GPR176: variants seen among roughly 807,000 people sequenced by gnomAD.
The protein encoded by GPR176 is G-protein coupled receptor 176.
In GPR176, 26 loss-of-function variants were observed where a neutral mutation model predicts 35.4. The observed-to-expected ratio is 0.74, with a 90% CI of 0.54 to 1.02. The LOEUF (loss-of-function observed/expected upper bound fraction) is 1.02. Among genes scored for constraint, GPR176 ranks in the 50% least tolerant of loss-of-function variants. GPR176 has a pLI of 0.00. For missense variants in GPR176, 597 were observed against 665.3 expected (o/e 0.90, Z 1.13); for synonymous variants, 278 against 271.3 (o/e 1.02, Z -0.24).
intron 1 of GPR176, among the ~76,000 whole-genome samples, chr15:39,885,596 A>C (rs1438500018): frequency 6.6e-6 from 1 of 152,030 alleles, no homozygotes; most frequent in East Asian, 1.9e-4. Flanking sequence ...CTAGGTATGA[A>C]GCAATCTTTA....
At chr15:39,905,158 C>G (rs901011254) in intron 1 of GPR176, among the ~76,000 whole-genome samples, 1 of 152,218 alleles carries the variant, frequency 6.6e-6, no homozygotes, top group Non-Finnish European at 1.5e-5. Context: ...ACCAGGCCTG[C>G]ACTAGGGATT....
chr15:39,833,746 A>T (rs1485372620), intron 1 of GPR176, among the ~76,000 whole-genome samples: 2 of 152,168 alleles, frequency 1.3e-5, no homozygotes, highest in Admixed American at 6.5e-5. Context: ...AAGTCCTAAT[A>T]TTTATTTAAT....
intron 1 of GPR176, among the ~76,000 whole-genome samples, chr15:39,853,113 C>T (rs28624789): frequency 0.38 from 57,404 of 151,978 alleles, 11,491 homozygotes; most frequent in East Asian, 0.7. Flanking sequence ...GATATTTGCA[C>T]ACTCATGGTC....
At chr15:39,812,827 C>T (rs370577850) in intron 1 of GPR176, among the ~76,000 whole-genome samples, 2 of 151,840 alleles carry the variant, frequency 1.3e-5, no homozygotes, top group African/African-American at 4.8e-5. Flanking sequence ...CTGCAACCTC[C>T]GCTCCCCGCA....
chr15:39,811,962 T>G (rs183351010), intron 1 of GPR176, among the ~76,000 whole-genome samples: 1 of 152,322 alleles, frequency 6.6e-6, no homozygotes, highest in African/African-American at 2.4e-5. Flanking sequence ...AGTTTTGTAT[T>G]TTCAGATTTA....
In GPR176 at chr15:39,799,936, A is replaced by C. The variant is rs1454636487; in HGVS notation, c.*1196T>G. On this transcript the variant is annotated 3_prime_UTR_variant, in exon 3 of 3. Coordinates refer to ENST00000561100, the MANE Select transcript of GPR176 (RefSeq NM_007223.3). ...GTCAGATGTTGCCTTGGCACTCTAC[A>C]ATGATTATTTCTCCCTGTTCTGTTC... The C allele has an allele frequency of 6.6e-6, 1 of 152,222 alleles. No individual in the cohort carries two copies. Among genetic ancestry groups the C allele is most frequent in the African/African-American group, 2.4e-5 (1 of 41,440 alleles). 9.4% of individuals were successfully genotyped at this position (152,222 alleles called of 1,614,324 possible).
intron 1 of GPR176, among the ~76,000 whole-genome samples, chr15:39,849,558 T>A (rs2030707185): frequency 6.6e-6 from 1 of 152,154 alleles, no homozygotes; most frequent in Admixed American, 6.6e-5. Context: ...AACAATACTT[T>A]AAAATAATTA....
chr15:39,846,114 T>C (rs2030408560), intron 1 of GPR176, among the ~76,000 whole-genome samples: 1 of 152,154 alleles, frequency 6.6e-6, no homozygotes, highest in Non-Finnish European at 1.5e-5. Context: ...GAAAATGGAG[T>C]AGATATACTT....
chr15:39,868,388 G>A (rs938176844), intron 1 of GPR176, among the ~76,000 whole-genome samples: 1 of 152,162 alleles, frequency 6.6e-6, no homozygotes, highest in African/African-American at 2.4e-5. Context: ...GGGTCCCCAT[G>A]CTGACTGTGA....
At chr15:39,873,474 G>A (rs536276005) in intron 1 of GPR176, among the ~76,000 whole-genome samples, 2 of 152,228 alleles carry the variant, frequency 1.3e-5, no homozygotes, top group East Asian at 3.9e-4. Context: ...GGATATCACA[G>A]GCCAAGATGA....
At chr15:39,831,593 C>T (rs1901080548) in intron 1 of GPR176, among the ~76,000 whole-genome samples, 1 of 152,146 alleles carries the variant, frequency 6.6e-6, no homozygotes, top group Non-Finnish European at 1.5e-5. Context: ...CTAGGATTTT[C>T]TCAAGCTACT....
intron 1 of GPR176, among the ~76,000 whole-genome samples, chr15:39,861,255 T>C (rs957387749): frequency 6.6e-6 from 1 of 152,106 alleles, no homozygotes; most frequent in Non-Finnish European, 1.5e-5. Context: ...AATTTAATTA[T>C]AAAACTATAG....
intron 1 of GPR176, among the ~76,000 whole-genome samples, chr15:39,825,007 C>A (rs377434245): frequency 2.6e-5 from 4 of 152,148 alleles, no homozygotes; most frequent in Non-Finnish European, 4.4e-5. Flanking sequence ...GAATTTGAGA[C>A]CAGCCTAGGC....
chr15:39,895,269 AGGGAGACC>A (rs2033073124), intron 1 of GPR176, among the ~76,000 whole-genome samples: 2 of 89,070 alleles, frequency 2.2e-5, no homozygotes, highest in Non-Finnish European at 4.8e-5. Flanking sequence ...GGAGAGGGAG[AGGGAGACC>A]GTGGGGAGAG....
intron 1 of GPR176, among the ~76,000 whole-genome samples, chr15:39,827,936 T>C (rs1900790631): frequency 6.6e-6 from 1 of 152,208 alleles, no homozygotes; most frequent in Non-Finnish European, 1.5e-5. Flanking sequence ...TTGTGGCATG[T>C]CCCTATGGGT....
chr15:39,846,587 C>T (rs117906784), intron 1 of GPR176, among the ~76,000 whole-genome samples: 1,933 of 152,146 alleles, frequency 0.013, 17 homozygotes, highest in Non-Finnish European at 0.018. Context: ...ATAGTAAGCA[C>T]GACAGAAATG....
chr15:39,844,498 G>A (rs948680244), intron 1 of GPR176, among the ~76,000 whole-genome samples: 1 of 151,982 alleles, frequency 6.6e-6, no homozygotes. Flanking sequence ...GATCAGCCAA[G>A]AGGACCCCTG....
Position 39,873,510 on chromosome 15 carries a change from C to T in GPR176, c.172+46345G>A, listed in dbSNP as rs79701090. Among the ~76,000 whole-genome samples, 36 of 152,256 alleles carry T rather than the reference C, an allele frequency of 2.4e-4. No individual in the cohort carries two copies. In the East Asian group the frequency reaches 6.0e-3, roughly 25 times the overall value. On this transcript the variant is annotated intron_variant, in intron 1 of 2. Coordinates refer to ENST00000561100, the MANE Select transcript of GPR176 (RefSeq NM_007223.3). ...CAGCATAGAACCGAAAACTACAACA[C>T]TGGCTGCAGCAAATGAAGAGCTAAT... is the stretch of plus-strand genomic sequence containing the variant.
intron 1 of GPR176, among the ~76,000 whole-genome samples, chr15:39,824,758 T>C (rs573319706): frequency 1.3e-5 from 2 of 152,354 alleles, no homozygotes; most frequent in African/African-American, 2.4e-5. Flanking sequence ...AGGATCCTAG[T>C]TGGATTCCAA....
Sources: allele counts gnomAD v4.1 joint callset (sites outside exome capture counted in the v4.1 genomes callset), GRCh38; gene constraint gnomAD v4.1.1; transcripts MANE v1.5; gene names NCBI Gene and HGNC (gene_info 2026-07-23, HGNC 2026-07-21).